The following ASS1 variants were observed in gnomAD, a reference collection of about 807,000 sequenced individuals.
ASS1 encodes the protein argininosuccinate synthase 1.
In ASS1, 58 loss-of-function variants were observed where a neutral mutation model predicts 60.5. The ratio of observed to expected loss-of-function variants is 0.96; its 90% confidence interval spans 0.78 to 1.19. The LOEUF is 1.19. Ranked by LOEUF, ASS1 falls within the 50% of genes most tolerant of loss-of-function variation. The pLI is 0.00. For missense variants in ASS1, 454 were observed against 547.3 expected (o/e 0.83, Z 1.70); for synonymous variants, 200 against 206.9 (o/e 0.97, Z 0.29).
chr9:130,484,828 CACGT>C (rs368078653), intron 11 of ASS1, among the ~76,000 whole-genome samples: 1 of 151,228 alleles, frequency 6.6e-6, no homozygotes, highest in African/African-American at 2.4e-5. Context: ...CACACACACA[CACGT>C]GCGCGCGCGC....
At chr9:130,462,772 G>T (rs1588479472) in intron 4 of ASS1, among the ~76,000 whole-genome samples, 1 of 152,214 alleles carries the variant, frequency 6.6e-6, no homozygotes, top group Non-Finnish European at 1.5e-5. Context: ...GTCCTCATCC[G>T]TAAGATGGGA....
At chr9:130,445,239 CGG>C (rs1564898354) in intron 1 of ASS1, 130 of 810,074 alleles carry the variant, frequency 1.6e-4, no homozygotes, top group East Asian at 2.8e-4. Flanking sequence ...CGCGAGTCCC[CGG>C]GGGCGCGAGT....
intron 12 of ASS1, among the ~76,000 whole-genome samples, chr9:130,493,511 C>T (rs1020978525): frequency 7.9e-5 from 12 of 152,158 alleles, no homozygotes; most frequent in African/African-American, 2.2e-4. Flanking sequence ...GGCCCTCCCC[C>T]GCCTCTGCAA....
At chr9:130,473,690 C>G (rs909641435) in intron 8 of ASS1, among the ~76,000 whole-genome samples, 10 of 152,208 alleles carry the variant, frequency 6.6e-5, no homozygotes, top group Admixed American at 3.3e-4. Context: ...GCCCCTCCCC[C>G]TCTCCAAAAG....
chr9:130,465,056 A>ATATATTT (rs1479147331), intron 5 of ASS1, among the ~76,000 whole-genome samples: 1 of 120,148 alleles, frequency 8.3e-6, no homozygotes, highest in Non-Finnish European at 1.6e-5. Context: ...ATATATATAT[A>ATATATTT]TTTTTTTTTT....
chr9:130,464,347 G>C (rs1038513474), intron 5 of ASS1, among the ~76,000 whole-genome samples, 180 bp downstream of exon 5: 1 of 152,186 alleles, frequency 6.6e-6, no homozygotes, highest in African/African-American at 2.4e-5. Flanking sequence ...AGCTCCAGGG[G>C]ACACACTTTC....
chr9:130,477,022 C>T lies in ASS1; in HGVS notation c.688+61C>T, dbSNP rs995001369. On this transcript the variant is annotated intron_variant, in intron 9 of 14. Coordinates refer to ENST00000352480, the MANE Select transcript of ASS1 (RefSeq NM_054012.4). This position sits in a 1 kb window ranked among gnomAD's most constrained non-coding sequence, Gnocchi z 4.2. The stretch of plus-strand genomic sequence containing the variant: ...ACTTTTGGGGCCCTGGCTCCTTTCC[C>T]CTCCCTGCCTGGGAACCTAGGCCCT... The T allele has an allele frequency of 4.6e-6, 7 of 1,530,714 alleles. No individual in the cohort carries two copies. Among genetic ancestry groups the T allele is most frequent in the Middle Eastern group, 1.7e-4 (1 of 5,954 alleles). 94.8% of individuals were successfully genotyped at this position (1,530,714 alleles called of 1,614,324 possible).
At chr9:130,497,397 G>A (rs1846631655) in intron 13 of ASS1, among the ~76,000 whole-genome samples, 1 of 151,962 alleles carries the variant, frequency 6.6e-6, no homozygotes, top group Non-Finnish European at 1.5e-5. Flanking sequence ...GGCTCAGTAG[G>A]TAGAAAGTAA....
In ASS1 at chr9:130,479,771, G is replaced by A. The variant is rs1447491328; in HGVS notation, c.744G>A (p.Leu248=). 6.2e-7 allele frequency: 1 copy of A among 1,614,218 alleles called. No homozygotes were observed. The highest frequency in any genetic ancestry group is 2.2e-5 in the East Asian group (1 of 44,882). ...ATGGCACCACCCACCAGACCTCCTT[G>A]GAGCTCTTCATGTACCTGAACGAAG... ...VKDGTTHQTS[L]ELFMYLNEVA... is the part of the protein sequence containing the mutation. The change falls in exon 10 of 15, where the codon TTG becomes TTA. Residue 248 remains leucine (L), a synonymous_variant. Transcript: ENST00000352480.
At chr9:130,484,054 G>A (rs1564158020) in intron 11 of ASS1, among the ~76,000 whole-genome samples, 1 of 152,144 alleles carries the variant, frequency 6.6e-6, no homozygotes, top group African/African-American at 2.4e-5. Context: ...GGGCCCGCCA[G>A]GCACCAGGAG....
At position 130,471,600 on chromosome 9, in the gene ASS1, C is replaced by T. The variant is rs1845868023; in HGVS notation, c.597+85C>T. 2.0e-6 allele frequency: 3 copies of T among 1,506,590 alleles called. No homozygotes were observed. In the South Asian group the frequency reaches 3.4e-5, roughly 17 times the overall value. The allele number at this position is 1,506,590 out of a possible 1,614,324, so 93.3% of individuals were successfully genotyped here. A position where few individuals can be genotyped will look rare whatever the true frequency, so the allele number is the denominator to read the frequency against. On this transcript the variant is annotated intron_variant, in intron 8 of 14. Transcript: ENST00000352480. ...CCGATGCTGTCTGATGTATTTATAGCCTAATTTGAAATTTCACGGGGGCCA... is the reference window on the plus strand; with the variant it reads ...CCGATGCTGTCTGATGTATTTATAGTCTAATTTGAAATTTCACGGGGGCCA...
rs548238488 is a variant in ASS1, at chr9:130,486,198, C to T, written c.839-3135C>T. On this transcript the variant is annotated intron_variant, in intron 11 of 14. Coordinates refer to ENST00000352480, the MANE Select transcript of ASS1 (RefSeq NM_054012.4). ...TTGGTCTTGAACTCCTGGGCTGAAA[C>T]GATCCTCCCACCTTGGCGTAGTAGC... Among the ~76,000 whole-genome samples, 10 of 152,182 alleles carry T rather than the reference C, an allele frequency of 6.6e-5. No individual in the cohort carries two copies. In the East Asian group the frequency reaches 1.4e-3, roughly 21 times the overall value.
rs1846367213 is a variant in ASS1, at chr9:130,488,657, G to A, written c.839-676G>A. Among the ~76,000 whole-genome samples, 2 of 152,246 alleles carry A rather than the reference G, an allele frequency of 1.3e-5. No homozygotes were observed. The highest frequency in any genetic ancestry group is 2.4e-5 in the African/African-American group (1 of 41,476). On this transcript the variant is annotated intron_variant, in intron 11 of 14. Transcript: ENST00000352480. This position sits in a 1 kb window ranked among gnomAD's most constrained non-coding sequence, Gnocchi z 5.2. The stretch of plus-strand genomic sequence containing the variant: ...CAATCCCTTCTCCCCTGACCTTCCA[G>A]GGTTGGGCCTCCACGGCCAGGTGAC...
At chr9:130,484,408 C>T (rs1846252159) in intron 11 of ASS1, among the ~76,000 whole-genome samples, 1 of 152,040 alleles carries the variant, frequency 6.6e-6, no homozygotes, top group Non-Finnish European at 1.5e-5. Context: ...TCCCCCCAGC[C>T]ACCCCTGGCC....
chr9:130,489,270 A>C lies in ASS1; in HGVS notation c.839-63A>C. ...ATTTTTTTTTTTGTCATTTGCTGAC[A>C]GTTTGGGTTTCATGCGTTTCTCTCT... On this transcript the variant is annotated intron_variant, in intron 11 of 14. Transcript: ENST00000352480. The surrounding 1 kb of genome is among the most constrained non-coding windows in gnomAD (Gnocchi z 4.1). 6.3e-7 allele frequency: 1 copy of C among 1,594,848 alleles called. No individual in the cohort carries two copies. The highest frequency in any genetic ancestry group is 1.1e-5 in the South Asian group (1 of 90,172).
Position 130,471,477 on chromosome 9 carries a change from C to G in ASS1, c.567-8C>G. On this transcript the variant is annotated splice_region_variant and splice_polypyrimidine_tract_variant and intron_variant, in intron 7 of 14. Transcript: ENST00000352480. Reference sequence around the variant, plus strand: ...CAGCTGACCCTGTCTTTCCTTTCCCCTCCGCAGCTACGAGGCTGGAATCCT... The same window carrying G: ...CAGCTGACCCTGTCTTTCCTTTCCCGTCCGCAGCTACGAGGCTGGAATCCT... 1.9e-6 allele frequency: 3 copies of G among 1,614,128 alleles called. 1 individual carries two copies. The highest frequency in any genetic ancestry group is 2.2e-5 in the South Asian group (2 of 91,082).
intron 13 of ASS1, among the ~76,000 whole-genome samples, chr9:130,498,328 T>C (rs1846653706): frequency 1.3e-5 from 2 of 152,180 alleles, no homozygotes; most frequent in South Asian, 4.1e-4. Context: ...AAGGGTCTGA[T>C]TCAGAGCAGG....
Position 130,489,014 on chromosome 9 carries a change from C to G in ASS1, c.839-319C>G, listed in dbSNP as rs1846378386. ...GTCGCTTTAATTACAGGCTTTCAACCTCGGGCCGGTGGGCACGCATGGGGA... is the reference window on the plus strand; with the variant it reads ...GTCGCTTTAATTACAGGCTTTCAACGTCGGGCCGGTGGGCACGCATGGGGA... On this transcript the variant is annotated intron_variant, in intron 11 of 14. Coordinates refer to ENST00000352480, the MANE Select transcript of ASS1 (RefSeq NM_054012.4). The surrounding 1 kb of genome is among the most constrained non-coding windows in gnomAD (Gnocchi z 4.1). Among the ~76,000 whole-genome samples, 1 of 152,166 alleles carries G rather than the reference C, an allele frequency of 6.6e-6. No individual in the cohort carries two copies. The highest frequency in any genetic ancestry group is 2.4e-5 in the African/African-American group (1 of 41,432).
chr9:130,479,245 G>A (rs1016684526), intron 9 of ASS1, among the ~76,000 whole-genome samples: 4 of 152,066 alleles, frequency 2.6e-5, no homozygotes, highest in Non-Finnish European at 4.4e-5. Flanking sequence ...GTACAGGGTC[G>A]GGGCGCGGGG....
Sources: allele counts gnomAD v4.1 joint callset (sites outside exome capture counted in the v4.1 genomes callset), GRCh38; gene constraint gnomAD v4.1.1; non-coding constraint Gnocchi (gnomAD v3.1); transcripts MANE v1.5; gene names NCBI Gene and HGNC (gene_info 2026-07-23, HGNC 2026-07-21).